Variants in ATP10B observed in about 807,000 individuals in gnomAD.
The protein encoded by ATP10B is phospholipid-transporting ATPase VB.
A neutral mutation model predicts 141.2 loss-of-function variants in ATP10B; 122 were observed. The observed-to-expected ratio is 0.86, with a 90% CI of 0.75 to 1.00. ATP10B has a LOEUF of 1.00. ATP10B is among the 50% of genes least tolerant of loss of function. The pLI, the probability that ATP10B is intolerant of heterozygous loss-of-function variation, is 0.00. For missense variants in ATP10B, 1,876 were observed against 1,825.3 expected (o/e 1.03, Z -0.51); for synonymous variants, 685 against 692.0 (o/e 0.99, Z 0.16).
chr5:160,599,385 C>T (rs958491259), intron 21 of ATP10B, among the ~76,000 whole-genome samples: 9 of 152,180 alleles, frequency 5.9e-5, no homozygotes, highest in African/African-American at 1.9e-4. Context: ...GTTAAAAGTA[C>T]AGATTTTGGA....
chr5:160,725,314 G>A (rs994898704), intron 2 of ATP10B, among the ~76,000 whole-genome samples: 2 of 152,166 alleles, frequency 1.3e-5, no homozygotes, highest in African/African-American at 4.8e-5. Flanking sequence ...TGATTACCCT[G>A]CTTTACTCAC....
intron 1 of ATP10B, among the ~76,000 whole-genome samples, chr5:160,841,084 T>G (rs75315184): frequency 0.03 from 4,521 of 152,234 alleles, 238 homozygotes; most frequent in African/African-American, 0.1. Context: ...CAGCAGCCCA[T>G]TTCTAGGAAT....
intron 2 of ATP10B, among the ~76,000 whole-genome samples, chr5:160,750,059 T>A (rs947859415): frequency 2.6e-4 from 40 of 152,248 alleles, no homozygotes; most frequent in African/African-American, 9.6e-4. Context: ...TAATGAAAGG[T>A]GTAGAAGGTA....
intron 1 of ATP10B, among the ~76,000 whole-genome samples, chr5:160,788,136 AC>A (rs1363982221): frequency 1.3e-5 from 2 of 152,172 alleles, no homozygotes; most frequent in Non-Finnish European, 2.9e-5. Flanking sequence ...ACCTCTAGAA[AC>A]CCTTTAGCCC....
At chr5:160,800,213 T>G (rs1432589150) in intron 1 of ATP10B, among the ~76,000 whole-genome samples, 1 of 152,222 alleles carries the variant, frequency 6.6e-6, no homozygotes, top group East Asian at 1.9e-4. Context: ...CACCTCGGTT[T>G]AAATCCTGGT....
At chr5:160,925,692 C>T in the ATP10B span, among the ~76,000 whole-genome samples, 1 of 152,218 alleles carries the variant, frequency 6.6e-6, no homozygotes, top group East Asian at 1.9e-4. Flanking sequence ...TTGGTTTCAG[C>T]CTTGTAAACA....
intron 1 of ATP10B, among the ~76,000 whole-genome samples, chr5:160,832,720 G>T (rs899352064): frequency 6.6e-6 from 1 of 152,002 alleles, no homozygotes; most frequent in East Asian, 1.9e-4. Flanking sequence ...TCTTCCTGAC[G>T]ACACAAAAAT....
At chr5:160,600,860 T>C (rs1283211812) in intron 21 of ATP10B, among the ~76,000 whole-genome samples, 1 of 152,244 alleles carries the variant, frequency 6.6e-6, no homozygotes, top group Non-Finnish European at 1.5e-5. Context: ...GTGGAAGTCA[T>C]AGTTCTCCAC....
intron 2 of ATP10B, among the ~76,000 whole-genome samples, chr5:160,718,832 A>T (rs1227973083): frequency 6.6e-6 from 1 of 152,194 alleles, no homozygotes; most frequent in African/African-American, 2.4e-5. Context: ...CTGGGGATCA[A>T]ATTTCAACAT....
chr5:160,636,813 C>T (rs537857949), intron 10 of ATP10B, among the ~76,000 whole-genome samples: 21 of 151,448 alleles, frequency 1.4e-4, no homozygotes, highest in Non-Finnish European at 8.9e-5. Context: ...CTCACCCGTC[C>T]ATCCACCCAT....
chr5:160,863,360 A>T, the ATP10B span, among the ~76,000 whole-genome samples: 2 of 151,992 alleles, frequency 1.3e-5, no homozygotes, highest in Admixed American at 1.3e-4. Context: ...TGGAAGATGG[A>T]ATATAAGACA....
chr5:160,774,247 A>G (rs1477498183), intron 2 of ATP10B, among the ~76,000 whole-genome samples: 2 of 152,176 alleles, frequency 1.3e-5, no homozygotes, highest in Admixed American at 1.3e-4. Flanking sequence ...ATGACAGCTA[A>G]TGAGGACGGA....
At chr5:160,822,059 A>C (rs78855664) in intron 1 of ATP10B, among the ~76,000 whole-genome samples, 2 of 152,196 alleles carry the variant, frequency 1.3e-5, no homozygotes, top group African/African-American at 4.8e-5. Context: ...GAAACAATCA[A>C]CAAAGTGAAG....
chr5:160,900,908 GT>G, the ATP10B span, among the ~76,000 whole-genome samples: 10,225 of 88,678 alleles, frequency 0.12, 640 homozygotes, highest in African/African-American at 0.21. Context: ...GGGTAGAGAA[GT>G]TTTTTTTTTT....
chr5:160,697,247 T>C (rs1764421818), intron 3 of ATP10B, among the ~76,000 whole-genome samples: 1 of 152,166 alleles, frequency 6.6e-6, no homozygotes, highest in South Asian at 2.1e-4. Flanking sequence ...AGACCCTCCA[T>C]AAGTTTTGTA....
intron 1 of ATP10B, among the ~76,000 whole-genome samples, chr5:160,835,821 T>C (rs1379836842): frequency 1.3e-5 from 2 of 152,164 alleles, no homozygotes; most frequent in Admixed American, 6.6e-5. Flanking sequence ...TGGGGTTTTC[T>C]GCCCTCTGAT....
chr5:160,852,799 A>G (rs1753874965), upstream of ATP10B, among the ~76,000 whole-genome samples: 1 of 152,148 alleles, frequency 6.6e-6, no homozygotes, highest in African/African-American at 2.4e-5. Flanking sequence ...CAACTCAACT[A>G]ATTGGCATAA....
At chr5:160,569,145 A>T (rs2127593423) in intron 25 of ATP10B, among the ~76,000 whole-genome samples, 1 of 152,278 alleles carries the variant, frequency 6.6e-6, no homozygotes, top group South Asian at 2.1e-4. Context: ...TGAGTATAAG[A>T]TTCCTGGACT....
chr5:160,892,702 A>G, the ATP10B span, among the ~76,000 whole-genome samples: 2 of 152,156 alleles, frequency 1.3e-5, no homozygotes, highest in Admixed American at 1.3e-4. Flanking sequence ...TTTATCTCCA[A>G]TTCCACAGGC....
Sources: allele counts gnomAD v4.1 joint callset (sites outside exome capture counted in the v4.1 genomes callset), GRCh38; gene constraint gnomAD v4.1.1; transcripts MANE v1.5; gene names NCBI Gene and HGNC (gene_info 2026-07-23, HGNC 2026-07-21).